KCNMA1: variants seen among roughly 807,000 people sequenced by gnomAD.
The protein encoded by KCNMA1 is potassium calcium-activated channel subfamily M alpha 1.
KCNMA1 carries 29 observed loss-of-function variants against 140.0 expected under a neutral mutation model. The observed-to-expected ratio is 0.21, with a 90% CI of 0.15 to 0.28. The LOEUF (loss-of-function observed/expected upper bound fraction) is 0.28, where lower values mean the gene tolerates loss of function less well. KCNMA1 is among the 10% of genes least tolerant of loss of function. KCNMA1 has a pLI of 1.00. For synonymous variants in KCNMA1, 612 were observed against 611.9 expected, an observed-to-expected ratio of 1.00 and a Z score of 0.00; for missense variants, 880 against 1,602.2, an observed-to-expected ratio of 0.55 and a Z score of 7.70.
At chr10:77,234,318 G>A (rs2154212236) in intron 3 of KCNMA1, among the ~76,000 whole-genome samples, 1 of 152,200 alleles carries the variant, frequency 6.6e-6, no homozygotes, top group Non-Finnish European at 1.5e-5. Flanking sequence ...AAGAAACCCT[G>A]CTTTTTCCAT....
intron 9 of KCNMA1, chr10:77,091,952 T>C (rs2096828443): frequency 6.6e-6 from 1 of 152,242 alleles, no homozygotes; most frequent in Non-Finnish European, 1.5e-5. Flanking sequence ...ATATGCACGA[T>C]GCAGTTAATA....
At chr10:77,127,566 TAGGA>T (rs72447373) in intron 5 of KCNMA1, among the ~76,000 whole-genome samples, 129,295 of 150,576 alleles carry the variant, frequency 0.86, 55,456 homozygotes, top group East Asian at 0.92. Flanking sequence ...ATAGAGAAAA[TAGGA>T]AGGAAGGAAG....
intron 1 of KCNMA1, among the ~76,000 whole-genome samples, chr10:77,425,109 G>GTGGA (rs200540048): frequency 0.093 from 13,972 of 150,184 alleles, 648 homozygotes; most frequent in Non-Finnish European, 0.1. Flanking sequence ...GGATGGATGA[G>GTGGA]TGGATGGATG....
chr10:77,497,082 C>T (rs1204514399), intron 1 of KCNMA1, among the ~76,000 whole-genome samples: 2 of 152,198 alleles, frequency 1.3e-5, no homozygotes, highest in South Asian at 2.1e-4. Context: ...TCTCAGAGAG[C>T]GAACTAACCA....
At chr10:77,587,924 G>T (rs1274627566) in intron 1 of KCNMA1, 4 of 927,912 alleles carry the variant, frequency 4.3e-6, no homozygotes, top group Non-Finnish European at 5.1e-6. Context: ...TAGTTTATTT[G>T]GAGACATAAG....
At chr10:77,274,961 C>T (rs1014467843) in intron 2 of KCNMA1, among the ~76,000 whole-genome samples, 2 of 152,182 alleles carry the variant, frequency 1.3e-5, no homozygotes, top group South Asian at 2.1e-4. Flanking sequence ...GTCCACCATT[C>T]GGGCAGATTG....
intron 14 of KCNMA1, among the ~76,000 whole-genome samples, chr10:77,039,876 T>C (rs1411860929): frequency 9.2e-6 from 1 of 109,034 alleles, no homozygotes; most frequent in Non-Finnish European, 1.8e-5. Context: ...TTTTCTTTTT[T>C]CTTTTTCTTT....
intron 22 of KCNMA1, 95 bp downstream of exon 22, chr10:76,949,047 A>G: frequency 5.9e-6 from 6 of 1,016,558 alleles, no homozygotes; most frequent in Non-Finnish European, 9.4e-6. Context: ...GAAGAAGCAC[A>G]GGCATGATCA....
chr10:77,328,550 C>G (rs2085087110), intron 2 of KCNMA1, among the ~76,000 whole-genome samples: 1 of 152,210 alleles, frequency 6.6e-6, no homozygotes, highest in Admixed American at 6.5e-5. Context: ...CGTAGCTTAA[C>G]TAAAATGTTT....
chr10:77,597,042 T>C (rs1422438415), intron 1 of KCNMA1, among the ~76,000 whole-genome samples: 1 of 152,204 alleles, frequency 6.6e-6, no homozygotes, highest in East Asian at 1.9e-4. Context: ...ATTAATATTC[T>C]ATATAGACAT....
intron 1 of KCNMA1, among the ~76,000 whole-genome samples, chr10:77,483,188 T>C (rs1367091741): frequency 6.6e-6 from 1 of 152,002 alleles, no homozygotes; most frequent in African/African-American, 2.4e-5. Flanking sequence ...CCACGGAGAT[T>C]TCTGTTTTAA....
intron 1 of KCNMA1, among the ~76,000 whole-genome samples, chr10:77,524,840 G>C (rs961665331): frequency 2.0e-5 from 3 of 152,192 alleles, no homozygotes; most frequent in Non-Finnish European, 2.9e-5. Context: ...AGAGGGTTAT[G>C]CGGGAGGGAA....
At chr10:77,185,181 T>A (rs1307694953) in intron 3 of KCNMA1, among the ~76,000 whole-genome samples, 1 of 151,990 alleles carries the variant, frequency 6.6e-6, no homozygotes, top group Non-Finnish European at 1.5e-5. Context: ...ATTCAGCAGT[T>A]GAACTAAGAA....
chr10:77,238,238 A>T (rs979470150), intron 3 of KCNMA1, among the ~76,000 whole-genome samples: 6 of 152,164 alleles, frequency 3.9e-5, no homozygotes, highest in African/African-American at 1.4e-4. Flanking sequence ...ATGGAGGGTG[A>T]GAAATACGGC....
intron 1 of KCNMA1, among the ~76,000 whole-genome samples, chr10:77,508,073 G>A (rs1400133628): frequency 1.3e-5 from 2 of 152,180 alleles, no homozygotes; most frequent in African/African-American, 4.8e-5. Flanking sequence ...TGATAAAACA[G>A]GAAGATATTT....
intron 1 of KCNMA1, among the ~76,000 whole-genome samples, chr10:77,534,318 G>A (rs2058365161): frequency 6.6e-6 from 1 of 152,166 alleles, no homozygotes; most frequent in South Asian, 2.1e-4. Flanking sequence ...CATAGGAGAT[G>A]TTTGTTATAG....
chr10:77,227,876 C>CTACCTACCCTG (rs2052056799), intron 3 of KCNMA1, among the ~76,000 whole-genome samples: 1 of 152,076 alleles, frequency 6.6e-6, no homozygotes, highest in Non-Finnish European at 1.5e-5. Context: ...GGTAATACTG[C>CTACCTACCCTG]TACCTACCCT....
At chr10:77,399,917 G>A (rs1054945759) in intron 2 of KCNMA1, among the ~76,000 whole-genome samples, 1 of 152,178 alleles carries the variant, frequency 6.6e-6, no homozygotes, top group Admixed American at 6.5e-5. Context: ...TTCTTCCCCA[G>A]CTGGACCTTA....
intron 1 of KCNMA1, among the ~76,000 whole-genome samples, chr10:77,562,206 A>T (rs1169272516): frequency 1.3e-5 from 2 of 152,202 alleles, no homozygotes; most frequent in Admixed American, 1.3e-4. Flanking sequence ...GCTGTGCCAC[A>T]CCCTGACAAC....
Sources: allele counts gnomAD v4.1 joint callset (sites outside exome capture counted in the v4.1 genomes callset), GRCh38; gene constraint gnomAD v4.1.1; transcripts MANE v1.5; gene names NCBI Gene and HGNC (gene_info 2026-07-23, HGNC 2026-07-21).